The following SULF1 variants were observed in gnomAD, a reference collection of about 807,000 sequenced individuals.
SULF1 encodes the protein extracellular sulfatase Sulf-1.
A neutral mutation model predicts 110.5 loss-of-function variants in SULF1; 46 were observed. That is an observed-to-expected ratio of 0.42 (90% CI 0.33 to 0.53). The LOEUF (loss-of-function observed/expected upper bound fraction) is 0.53, where lower values mean the gene tolerates loss of function less well. Among genes scored for constraint, SULF1 ranks in the 20% least tolerant of loss-of-function variants. The probability of loss-of-function intolerance (pLI) is 0.12; values close to 1 mark genes in which losing one functional copy is unlikely to be tolerated. For synonymous variants in SULF1, 371 were observed against 387.1 expected (o/e 0.96, Z 0.49); for missense variants, 941 against 1,094.2 (o/e 0.86, Z 1.98).
chr8:69,522,949 G>A (rs774610331), intron 3 of SULF1, among the ~76,000 whole-genome samples: 3 of 152,214 alleles, frequency 2.0e-5, no homozygotes, highest in African/African-American at 4.8e-5. Flanking sequence ...CTCTTTCAGG[G>A]AGTTTGCTGC....
chr8:69,614,855 G>T (rs182841234), intron 13 of SULF1, among the ~76,000 whole-genome samples: 2 of 152,330 alleles, frequency 1.3e-5, no homozygotes, highest in Admixed American at 1.3e-4. Flanking sequence ...CATAATTGCT[G>T]TGCAGAAATA....
rs1281745245 is a variant in SULF1, at chr8:69,482,034, C to G, written c.-390-13731C>G. Among the ~76,000 whole-genome samples the G allele has an allele frequency of 1.1e-4, 16 of 152,160 alleles. 1 individual carries two copies. Among genetic ancestry groups the G allele is most frequent in the Admixed American group, 9.8e-4 (15 of 15,280 alleles). On this transcript the variant is annotated intron_variant, in intron 1 of 22. Transcript: ENST00000260128. ...AGCAACTGCTCTTTAGTTTCTATCA[C>G]CTTGCCTCAAACATGGTCATAACCT...
At chr8:69,525,400 C>A (rs1375868985) in intron 3 of SULF1, among the ~76,000 whole-genome samples, 3 of 152,024 alleles carry the variant, frequency 2.0e-5, no homozygotes, top group Admixed American at 2.0e-4. Flanking sequence ...GTTTCCTTTT[C>A]GTGTTTATGA....
At chr8:69,638,941 T>G in intron 21 of SULF1, 83 bp downstream of exon 21, 1 of 1,334,530 alleles carries the variant, frequency 7.5e-7, no homozygotes, top group Non-Finnish European at 1.0e-6. Context: ...AACATTTAAT[T>G]GCACAGAAAC....
At position 69,563,930 on chromosome 8, in the gene SULF1, G is replaced by C; in HGVS notation, c.-46G>C. On this transcript the variant is annotated 5_prime_UTR_variant, in exon 5 of 23. Coordinates refer to ENST00000402687, the MANE Select transcript of SULF1 (RefSeq NM_001128205.2). The stretch of plus-strand genomic sequence containing the variant: ...TGACTGCCCAGAACTCCAGAAATCA[G>C]GAGACGGAGACATTTTGTCAGTTTT... 1 of 1,593,996 alleles carries C rather than the reference G, an allele frequency of 6.3e-7. No individual in the cohort carries two copies. Among genetic ancestry groups the C allele is most frequent in the African/African-American group, 1.3e-5 (1 of 74,522 alleles).
chr8:69,484,667 C>CA (rs1437785623), intron 1 of SULF1, among the ~76,000 whole-genome samples: 1 of 152,066 alleles, frequency 6.6e-6, no homozygotes, highest in Admixed American at 6.6e-5. Context: ...GTCTGCATGA[C>CA]AAAAAGTGAT....
intron 1 of SULF1, among the ~76,000 whole-genome samples, chr8:69,476,272 C>T (rs1056066309): frequency 1.3e-5 from 2 of 152,150 alleles, no homozygotes; most frequent in African/African-American, 4.8e-5. Context: ...TTTCCCCATT[C>T]CCCTGCTTTT....
intron 18 of SULF1, 135 bp from the exon 19 acceptor site, chr8:69,629,369 C>G: frequency 1.1e-6 from 1 of 884,578 alleles, no homozygotes; most frequent in Non-Finnish European, 1.7e-6. Context: ...TTAAGTCCCT[C>G]TATACAAAAT....
chr8:69,639,666 T>G (rs1811314263), intron 21 of SULF1, among the ~76,000 whole-genome samples: 1 of 152,226 alleles, frequency 6.6e-6, no homozygotes, highest in Non-Finnish European at 1.5e-5. Flanking sequence ...AGAGCTGGAC[T>G]CACAGGCACT....
chr8:69,482,601 CA>C (rs1809556055), intron 1 of SULF1, among the ~76,000 whole-genome samples: 1 of 151,474 alleles, frequency 6.6e-6, no homozygotes, highest in African/African-American at 2.4e-5. Flanking sequence ...GAGAGAGGGG[CA>C]GGGGGAGGGA....
intron 5 of SULF1, among the ~76,000 whole-genome samples, chr8:69,568,592 A>G (rs1804977260): frequency 6.6e-6 from 1 of 152,226 alleles, no homozygotes; most frequent in Admixed American, 6.5e-5. Flanking sequence ...TCATCATCCC[A>G]GGAGGAAACA....
intron 8 of SULF1, among the ~76,000 whole-genome samples, chr8:69,596,146 C>T (rs1223805436): frequency 6.6e-6 from 1 of 151,966 alleles, no homozygotes; most frequent in Admixed American, 6.6e-5. Flanking sequence ...AGGGAGGCCT[C>T]GCTGGGAAAA....
chr8:69,640,164 A>AAAGG (rs1299838631), intron 21 of SULF1, among the ~76,000 whole-genome samples: 2 of 93,280 alleles, frequency 2.1e-5, no homozygotes, highest in East Asian at 6.7e-4. Flanking sequence ...AGAAAGAAAA[A>AAAGG]AAGAAAGAAA....
chr8:69,628,211 T>G lies in SULF1; in HGVS notation c.2083T>G (p.Leu695Val). ...KEKGVKKQEK[L>V]KSHLHPFKEA... The stretch of plus-strand genomic sequence containing the variant: ...GAAAGGTGTAAAAAAGCAAGAGAAA[T>G]TAAAGAGCCATCTTCACCCATTCAA... Residue 695 changes from leucine (L) to valine (V), a missense_variant, in exon 18 of 23, where the codon TTA becomes GTA. By Grantham distance (32) the Leu-to-Val change is conservative. Around this residue, in one of 3 missense-constraint regions of SULF1, gnomAD observed 822 missense variants for 934.3 expected, o/e 0.88. Coordinates refer to ENST00000402687, the MANE Select transcript of SULF1 (RefSeq NM_001128205.2). 6.2e-7 allele frequency: 1 copy of G among 1,614,022 alleles called. No homozygotes were observed. The highest frequency in any genetic ancestry group is 8.5e-7 in the Non-Finnish European group (1 of 1,179,888).
chr8:69,503,823 C>T (rs1176395810), intron 3 of SULF1, among the ~76,000 whole-genome samples: 1 of 151,572 alleles, frequency 6.6e-6, no homozygotes, highest in Admixed American at 6.6e-5. Context: ...TCAAAACGAA[C>T]AGAGTCTTCC....
intron 3 of SULF1, among the ~76,000 whole-genome samples, chr8:69,537,799 C>T (rs900412482): frequency 2.6e-5 from 4 of 152,162 alleles, no homozygotes; most frequent in African/African-American, 9.7e-5. Context: ...TTCAACTTCT[C>T]GCTTTCTTCA....
chr8:69,478,897 A>G (rs989307744), intron 1 of SULF1, among the ~76,000 whole-genome samples: 10 of 152,188 alleles, frequency 6.6e-5, no homozygotes, highest in Non-Finnish European at 8.8e-5. Flanking sequence ...TCACAGTTAG[A>G]ATGATCAAGG....
chr8:69,536,455 A>C (rs765340791), intron 3 of SULF1, among the ~76,000 whole-genome samples: 10 of 152,184 alleles, frequency 6.6e-5, no homozygotes, highest in Non-Finnish European at 1.3e-4. Flanking sequence ...TACCACTACT[A>C]CTATATATCA....
At chr8:69,579,352 G>A (rs538017101) in intron 6 of SULF1, among the ~76,000 whole-genome samples, 3 of 151,756 alleles carry the variant, frequency 2.0e-5, no homozygotes, top group South Asian at 2.1e-4. Flanking sequence ...TCAGGAGTTC[G>A]AGCCTGGCCA....
Sources: gnomAD v4.1 joint callset for allele counts (sites outside exome capture counted in the v4.1 genomes callset) on GRCh38, gnomAD v4.1.1 for gene constraint, gnomAD v4.1.1 regional missense constraint, MANE v1.5 for transcripts, NCBI Gene and HGNC (gene_info 2026-07-23, HGNC 2026-07-21) for gene names.